PAGE2B: variants seen among roughly 807,000 people sequenced by gnomAD.
PAGE2B encodes the protein putative G antigen family E member 3.
A neutral mutation model predicts 7.6 loss-of-function variants in PAGE2B; 5 were observed. The ratio of observed to expected loss-of-function variants is 0.66; its 90% CI spans 0.34 to 1.38. PAGE2B has a LOEUF of 1.38. Ranked by LOEUF, PAGE2B falls within the 40% of genes most tolerant of loss-of-function variation. The pLI is 0.04. For missense variants in PAGE2B, 70 were observed against 78.4 expected (o/e 0.89, Z 0.41); for synonymous variants, 29 against 26.7 (o/e 1.09, Z -0.27).
chrX:55,037,872 A>G, the PAGE2B span, among the ~76,000 whole-genome samples: 1 of 82,815 alleles, frequency 1.2e-5, no homozygotes, highest in African/African-American at 4.8e-5. Flanking sequence ...GGACACAGGA[A>G]GGGGAACATC....
chrX:55,050,559 G>T, the PAGE2B span, among the ~76,000 whole-genome samples: 1 of 110,857 alleles, frequency 9.0e-6, no homozygotes, highest in South Asian at 3.8e-4. Flanking sequence ...TTACCATTAT[G>T]TAATGGCCTT....
At chrX:55,033,635 G>T in the PAGE2B span, among the ~76,000 whole-genome samples, 2 of 111,489 alleles carry the variant, frequency 1.8e-5, no homozygotes, top group Non-Finnish European at 3.8e-5. Flanking sequence ...ACCCATGTGG[G>T]AATTCCTCTG....
At chrX:55,050,157 A>C in the PAGE2B span, among the ~76,000 whole-genome samples, 1 of 112,501 alleles carries the variant, frequency 8.9e-6, no homozygotes, top group Non-Finnish European at 1.9e-5. Context: ...GTTTGATTGC[A>C]CTGTGGTCTG....
At chrX:55,069,551 G>A in the PAGE2B span, among the ~76,000 whole-genome samples, 2 of 110,847 alleles carry the variant, frequency 1.8e-5, no homozygotes, top group South Asian at 3.9e-4. Context: ...GATGATGCTG[G>A]CCTCATAAAA....
chrX:55,049,721 C>T, the PAGE2B span, among the ~76,000 whole-genome samples: 5 of 110,754 alleles, frequency 4.5e-5, no homozygotes, highest in South Asian at 3.8e-4. Context: ...GTCTTGCTAG[C>T]GGTCTATCAA....
chrX:55,073,976 A>G (rs1481389401), upstream of PAGE2B, among the ~76,000 whole-genome samples: 1 of 111,659 alleles, frequency 9.0e-6, no homozygotes, highest in Non-Finnish European at 1.9e-5. Flanking sequence ...TGGTTTCCAA[A>G]CAGATTGTTT....
upstream of PAGE2B, among the ~76,000 whole-genome samples, chrX:55,072,522 G>A (rs953050154): frequency 8.9e-6 from 1 of 112,578 alleles, no homozygotes; most frequent in Non-Finnish European, 1.9e-5. Context: ...AAGTCAGGAG[G>A]CACAGGGGTC....
At chrX:55,053,611 A>G in the PAGE2B span, among the ~76,000 whole-genome samples, 1 of 111,975 alleles carries the variant, frequency 8.9e-6, no homozygotes, top group East Asian at 2.8e-4. Flanking sequence ...ATATATTTTC[A>G]CAATTTCAGT....
chrX:55,051,464 G>T, the PAGE2B span, among the ~76,000 whole-genome samples: 5 of 111,727 alleles, frequency 4.5e-5, no homozygotes, highest in Admixed American at 3.8e-4. Flanking sequence ...CATAGATTTG[G>T]TCTTTTCACA....
upstream of PAGE2B, among the ~76,000 whole-genome samples, chrX:55,072,265 G>A (rs1336132598): frequency 1.8e-5 from 2 of 112,201 alleles, no homozygotes; most frequent in African/African-American, 3.2e-5. Context: ...CCGTCTGGGG[G>A]TCCTTTTTGT....
chrX:55,040,878 G>A, the PAGE2B span, among the ~76,000 whole-genome samples: 13 of 110,790 alleles, frequency 1.2e-4, no homozygotes, highest in African/African-American at 2.0e-4. Context: ...GTTTGCTTGC[G>A]TTCTTCCCCC....
upstream of PAGE2B, among the ~76,000 whole-genome samples, chrX:55,071,801 A>G (rs1936452595): frequency 9.0e-6 from 1 of 111,078 alleles, no homozygotes; most frequent in African/African-American, 3.3e-5. Context: ...CACTGAGTTG[A>G]TCTTCAATCT....
chrX:55,042,522 C>T, the PAGE2B span, among the ~76,000 whole-genome samples: 110 of 105,195 alleles, frequency 1.0e-3, 2 homozygotes, highest in South Asian at 0.036. Flanking sequence ...GGCGTAGTGG[C>T]GGGCGCCTGT....
At chrX:55,029,649 T>A in the PAGE2B span, among the ~76,000 whole-genome samples, 1 of 111,872 alleles carries the variant, frequency 8.9e-6, no homozygotes, top group African/African-American at 3.3e-5. Flanking sequence ...AAGGAACAGA[T>A]CTGTAACTAC....
the PAGE2B span, among the ~76,000 whole-genome samples, chrX:55,031,602 CTG>C: frequency 7.2e-5 from 8 of 111,785 alleles, no homozygotes; most frequent in African/African-American, 2.6e-4. Context: ...GATGAAGAAA[CTG>C]AGGCTCAGAG....
At chrX:55,042,429 C>T in the PAGE2B span, among the ~76,000 whole-genome samples, 17 of 108,771 alleles carry the variant, frequency 1.6e-4, no homozygotes, top group Non-Finnish European at 3.1e-4. Context: ...CCGAGGTGGG[C>T]GGATCACGAG....
At chrX:55,062,370 T>C in the PAGE2B span, among the ~76,000 whole-genome samples, 1 of 112,191 alleles carries the variant, frequency 8.9e-6, no homozygotes. Flanking sequence ...CATCTTTTCA[T>C]ATACCTGTTT....
At chrX:55,048,914 T>C in the PAGE2B span, among the ~76,000 whole-genome samples, 1 of 111,829 alleles carries the variant, frequency 8.9e-6, no homozygotes, top group Admixed American at 9.5e-5. Context: ...CCAGTTTTTG[T>C]CCATTCAGTA....
At chrX:55,038,897 T>C in the PAGE2B span, among the ~76,000 whole-genome samples, 2,344 of 111,790 alleles carry the variant, frequency 0.021, 69 homozygotes, top group African/African-American at 0.073. Flanking sequence ...ATTAAAACTT[T>C]TAATTTGGGA....
Sources: gnomAD v4.1 joint callset for allele counts (sites outside exome capture counted in the v4.1 genomes callset) on GRCh38, gnomAD v4.1.1 for gene constraint, MANE v1.5 for transcripts, NCBI Gene and HGNC (gene_info 2026-07-23, HGNC 2026-07-21) for gene names.